CRLF1: variants seen among roughly 807,000 people sequenced by gnomAD.
CRLF1 encodes the protein cytokine receptor like factor 1, also known as cytokine receptor-like factor 1.
In CRLF1, 36 loss-of-function variants were observed where a neutral mutation model predicts 48.9. That is an observed-to-expected ratio of 0.74 (90% CI 0.56 to 0.97). CRLF1 has a LOEUF of 0.97. CRLF1 is among the 50% of genes least tolerant of loss of function. The pLI is 0.00. For synonymous variants in CRLF1, 256 were observed against 253.4 expected (o/e 1.01, Z -0.10); for missense variants, 534 against 575.1 (o/e 0.93, Z 0.73).
rs1394711608 is a variant in CRLF1 at position 18,593,434 on chromosome 19, A to G, written c.*132T>C. ...GAGTCAGAGCTGTTATGGCCGTTGG[A>G]GCTCAGGGGCCACCCCAGCTCCTGC... On this transcript the variant is annotated 3_prime_UTR_variant, in exon 9 of 9. Coordinates refer to ENST00000392386, the MANE Select transcript of CRLF1 (RefSeq NM_004750.5). 1.5e-6 allele frequency: 2 copies of G among 1,313,248 alleles called. No homozygotes were observed. Among genetic ancestry groups the G allele is most frequent in the Admixed American group, 4.4e-5 (2 of 45,552 alleles). 81.3% of individuals were successfully genotyped at this position (1,313,248 alleles called of 1,614,324 possible).
At chr19:18,594,032 T>TGGGGCCCCCCCCCC in intron 8 of CRLF1, 33 bp downstream of exon 8, 3 of 695,810 alleles carry the variant, frequency 4.3e-6, no homozygotes, top group Non-Finnish European at 6.6e-6. Flanking sequence ...CTCCCCTTGC[T>TGGGGCCCCCCCCCC]CCCTCCCGCC....
chr19:18,606,660 G>A lies in CRLF1; in HGVS notation c.-4C>T. On this transcript the variant is annotated 5_prime_UTR_variant, in exon 1 of 9. Transcript: ENST00000392386. This position sits in a 1 kb window ranked among gnomAD's most constrained non-coding sequence, Gnocchi z 4.8. ...GGCCCCGGCGGCCGGCGGGCATGGG[G>A]CCGGCGCTGCCGGGGGCGCGCGGCG... is the stretch of plus-strand genomic sequence containing the variant. 4 of 671,838 alleles carry A rather than the reference G, an allele frequency of 6.0e-6. No homozygotes were observed. Among genetic ancestry groups the A allele is most frequent in the Non-Finnish European group, 7.3e-6 (4 of 546,908 alleles). 41.6% of individuals were successfully genotyped at this position (671,838 alleles called of 1,614,324 possible). A position where few individuals can be genotyped will look rare whatever the true frequency, so the allele number is the denominator to read the frequency against.
intron 1 of CRLF1, among the ~76,000 whole-genome samples, chr19:18,603,005 C>G (rs932533763): frequency 3.9e-5 from 6 of 152,362 alleles, no homozygotes; most frequent in African/African-American, 1.4e-4. Context: ...GCCACTGCAC[C>G]CGGCCTCAGT....
Position 18,606,421 on chromosome 19 carries a change from G to T in CRLF1, c.115+121C>A. The T allele has an allele frequency of 1.3e-6, 1 of 759,836 alleles. No individual in the cohort carries two copies. The highest frequency in any genetic ancestry group is 6.1e-5 in the South Asian group (1 of 16,334). 47.1% of individuals were successfully genotyped at this position (759,836 alleles called of 1,614,324 possible). ...GGGCGCCCCGAGGGCTGCGCCGGGG[G>T]CGCCTTCCTTTGTTCCCCGGCCGTC... On this transcript the variant is annotated intron_variant, in intron 1 of 8. Transcript: ENST00000392386. The surrounding 1 kb of genome is among the most constrained non-coding windows in gnomAD (Gnocchi z 4.8).
intron 1 of CRLF1, among the ~76,000 whole-genome samples, chr19:18,602,688 G>C (rs35614934): frequency 0.33 from 49,633 of 151,788 alleles, 8,602 homozygotes; most frequent in Non-Finnish European, 0.37. Context: ...TTGTTTGAGA[G>C]GAGTGAAAAT....
intron 4 of CRLF1, among the ~76,000 whole-genome samples, chr19:18,597,612 A>G (rs1976158940): frequency 6.6e-6 from 1 of 151,644 alleles, no homozygotes; most frequent in Non-Finnish European, 1.5e-5. Context: ...TTGTATTTTT[A>G]GTAGAGACGG....
chr19:18,599,225 C>A (rs995732781), intron 2 of CRLF1: 1 of 560,336 alleles, frequency 1.8e-6, no homozygotes, highest in African/African-American at 2.0e-5. Flanking sequence ...CCTGTCTCAG[C>A]CTCCCAAGTA....
intron 6 of CRLF1, 145 bp downstream of exon 6, chr19:18,596,477 T>G: frequency 2.0e-6 from 2 of 1,014,088 alleles, no homozygotes; most frequent in Non-Finnish European, 2.8e-6. Flanking sequence ...GAGGCAGAGG[T>G]TGCAGTGAGT....
intron 6 of CRLF1, among the ~76,000 whole-genome samples, chr19:18,594,781 G>A (rs1004765424): frequency 6.6e-6 from 1 of 152,050 alleles, no homozygotes; most frequent in African/African-American, 2.4e-5. Flanking sequence ...TAGACAGACA[G>A]AGCAGGGGGC....
chr19:18,603,849 G>T (rs1349583870), intron 1 of CRLF1, among the ~76,000 whole-genome samples: 4 of 150,302 alleles, frequency 2.7e-5, no homozygotes, highest in Non-Finnish European at 4.4e-5. Context: ...GTGCGAAGGA[G>T]CCGGCTGAGC....
At chr19:18,597,175 C>A in intron 4 of CRLF1, 126 bp from the exon 5 acceptor site, 1 of 988,260 alleles carries the variant, frequency 1.0e-6, no homozygotes, top group Non-Finnish European at 1.5e-6. Context: ...CCCTCTGCCC[C>A]CACCCCCAGG....
chr19:18,593,629 G>T, intron 8 of CRLF1, 50 bp from the exon 9 acceptor site: 1 of 1,571,978 alleles, frequency 6.4e-7, no homozygotes, highest in Non-Finnish European at 8.6e-7. Flanking sequence ...GGAGAGGGCC[G>T]CACCACAGAG....
At position 18,596,904 on chromosome 19, in the gene CRLF1, A is replaced by C. The variant is rs1293851581; in HGVS notation, c.843T>G (p.Ser281Arg). 6.2e-7 allele frequency: 1 copy of C among 1,613,946 alleles called. No homozygotes were observed. Among genetic ancestry groups the C allele is most frequent in the Non-Finnish European group, 8.5e-7 (1 of 1,180,012 alleles). ...KYQIRYRVED[S>R]VDWKVVDDVS... ...AGGGGAGGGTCACCTTCCAGTCCAC[A>C]CTGTCCTCCACTCGGTAGCGGATCT... Residue 281 changes from serine (S) to arginine (R), a missense_variant, in exon 5 of 9, where the codon AGT becomes AGG. This residue lies in a region of CRLF1 where 528 missense variants were observed against 555.7 expected (regional missense o/e 0.95). Transcript: ENST00000392386.
chr19:18,601,525 T>C (rs1976221144), intron 1 of CRLF1, among the ~76,000 whole-genome samples: 1 of 152,208 alleles, frequency 6.6e-6, no homozygotes, highest in African/African-American at 2.4e-5. Context: ...TCCGCCTGCC[T>C]CAGCCTCCCA....
In CRLF1 at chr19:18,598,609, G is replaced by A; in HGVS notation, c.528-8C>T. ...TTGTCCTGGCCATACCACCTGCGGGGATGGGAGGGCGACAGGACGCATGAG... is the reference window on the plus strand; with the variant it reads ...TTGTCCTGGCCATACCACCTGCGGGAATGGGAGGGCGACAGGACGCATGAG... On this transcript the variant is annotated splice_region_variant and splice_polypyrimidine_tract_variant and intron_variant, in intron 3 of 8. Transcript: ENST00000392386. 6.2e-7 allele frequency: 1 copy of A among 1,614,026 alleles called. No individual in the cohort carries two copies. The highest frequency in any genetic ancestry group is 8.5e-7 in the Non-Finnish European group (1 of 1,179,974).
intron 1 of CRLF1, among the ~76,000 whole-genome samples, chr19:18,601,152 A>G (rs1976215782): frequency 6.6e-6 from 1 of 152,076 alleles, no homozygotes; most frequent in African/African-American, 2.4e-5. Context: ...TGGCAACTAG[A>G]AACAAAAGAT....
Position 18,597,059 on chromosome 19 carries a change from A to T in CRLF1, c.698-10T>A, listed in dbSNP as rs373476055. The T allele has an allele frequency of 6.2e-7, 1 of 1,611,306 alleles. No individual in the cohort carries two copies. The highest frequency in any genetic ancestry group is 8.5e-7 in the Non-Finnish European group (1 of 1,178,712). On this transcript the variant is annotated splice_polypyrimidine_tract_variant and intron_variant, in intron 4 of 8. Coordinates refer to ENST00000392386, the MANE Select transcript of CRLF1 (RefSeq NM_004750.5). ...GGGGGGTCCGTGGTCACTGCGGGGC[A>T]GAGGAGGGACCCTCTCAGCCTGGGA...
intron 8 of CRLF1, 33 bp downstream of exon 8, chr19:18,594,032 T>TTGGCGGC: frequency 2.9e-6 from 2 of 695,814 alleles, no homozygotes; most frequent in Non-Finnish European, 4.4e-6. Context: ...CTCCCCTTGC[T>TTGGCGGC]CCCTCCCGCC....
chr19:18,598,748 C>A, intron 3 of CRLF1, 24 bp downstream of exon 3: 5 of 1,614,112 alleles, frequency 3.1e-6, no homozygotes, highest in Non-Finnish European at 4.2e-6. Flanking sequence ...GGGACACACA[C>A]ATCGCCCTCA....
Sources: allele counts gnomAD v4.1 joint callset (sites outside exome capture counted in the v4.1 genomes callset), GRCh38; gene constraint gnomAD v4.1.1; regional missense constraint gnomAD v4.1.1; non-coding constraint Gnocchi (gnomAD v3.1); transcripts MANE v1.5; gene names NCBI Gene and HGNC (gene_info 2026-07-23, HGNC 2026-07-21).